The following P2RY1 variants were observed in gnomAD, a reference collection of about 807,000 sequenced individuals.
P2RY1 encodes purinergic receptor P2Y1.
P2RY1 carries 14 observed loss-of-function variants against 22.8 expected under a neutral mutation model. The observed-to-expected ratio is 0.61, with a 90% CI of 0.41 to 0.96. The LOEUF is 0.96. Ranked by LOEUF, P2RY1 falls within the 40% of genes least tolerant of loss-of-function variation. The probability of loss-of-function intolerance (pLI) is 0.00; values close to 1 mark genes in which losing one functional copy is unlikely to be tolerated. For synonymous variants in P2RY1, 200 were observed against 195.1 expected (o/e 1.03, Z -0.21); for missense variants, 395 against 470.3 (o/e 0.84, Z 1.48).
chr3:152,835,257 G>A lies in P2RY1; in HGVS notation c.-526G>A, dbSNP rs1716114408. 1 of 153,226 alleles carries A rather than the reference G, an allele frequency of 6.5e-6. No individual in the cohort carries two copies. The highest frequency in any genetic ancestry group is 1.5e-5 in the Non-Finnish European group (1 of 68,854). The allele number at this position is 153,226 out of a possible 1,614,324, so 9.5% of individuals were successfully genotyped here. ...GATGGCTGCCAGGAGCTGAGCTCAG[G>A]GTGGGCGGAGGAAGCGGTTAGACGC... On this transcript the variant is annotated 5_prime_UTR_variant, in exon 1 of 1. Transcript: ENST00000305097.
rs1388412696 is a variant in P2RY1 at position 152,835,835 on chromosome 3, T to C, written c.53T>C (p.Leu18Pro). The change falls in exon 1 of 1, where the codon CTG becomes CCG. Residue 18 changes from leucine (L) to proline (P), a missense_variant. Leu to Pro is a moderately conservative substitution (Grantham distance 98). Around this residue, in one of 3 missense-constraint regions of P2RY1, gnomAD observed 98 missense variants for 87.7 expected, o/e 1.12. Coordinates refer to ENST00000305097, the MANE Select transcript of P2RY1 (RefSeq NM_002563.5). ...CCCAACGGGACGGACGCTGCCTTCCTGGCCGGTCCGGGTTCGTCCTGGGGG... is the reference window on the plus strand; with the variant it reads ...CCCAACGGGACGGACGCTGCCTTCCCGGCCGGTCCGGGTTCGTCCTGGGGG... Reference protein sequence around the residue: ...AVPNGTDAAFLAGPGSSWGNS... With the variant: ...AVPNGTDAAFPAGPGSSWGNS... 1 of 1,612,554 alleles carries C rather than the reference T, an allele frequency of 6.2e-7. No individual in the cohort carries two copies. The highest frequency in any genetic ancestry group is 1.3e-5 in the African/African-American group (1 of 75,046).
In P2RY1 at chr3:152,840,428, G is replaced by T. The variant is rs1276656698; in HGVS notation, c.*3524G>T. 1 of 152,100 alleles carries T rather than the reference G, an allele frequency of 6.6e-6. No homozygotes were observed. Among genetic ancestry groups the T allele is most frequent in the African/African-American group, 2.4e-5 (1 of 41,422 alleles). 9.4% of individuals were successfully genotyped at this position (152,100 alleles called of 1,614,324 possible). A position where few individuals can be genotyped will look rare whatever the true frequency, so the allele number is the denominator to read the frequency against. On this transcript the variant is annotated 3_prime_UTR_variant, in exon 1 of 1. Transcript: ENST00000305097. ...ATATAAAATATCTTAGCCAAATGGG[G>T]TCTGTATTGTCTACATTTTATATAT...
Position 152,839,093 on chromosome 3 carries a change from C to T in P2RY1, c.*2189C>T, listed in dbSNP as rs1477039515. The T allele has an allele frequency of 1.3e-5, 2 of 152,168 alleles. No individual in the cohort carries two copies. The highest frequency in any genetic ancestry group is 4.8e-5 in the African/African-American group (2 of 41,422). The allele number at this position is 152,168 out of a possible 1,614,324, so 9.4% of individuals were successfully genotyped here. On this transcript the variant is annotated 3_prime_UTR_variant, in exon 1 of 1. Transcript: ENST00000305097. The stretch of plus-strand genomic sequence containing the variant: ...CTTAATTTAGAGTATGTGTTAAGTA[C>T]ATTGTTTCAGCGTCCAGAGAATTTT...
chr3:152,839,613 C>G lies in P2RY1; in HGVS notation c.*2709C>G, dbSNP rs191409160. The G allele has an allele frequency of 6.6e-6, 1 of 152,188 alleles. No homozygotes were observed. The highest frequency in any genetic ancestry group is 1.5e-5 in the Non-Finnish European group (1 of 68,026). The allele number at this position is 152,188 out of a possible 1,614,324, so 9.4% of individuals were successfully genotyped here. On this transcript the variant is annotated 3_prime_UTR_variant, in exon 1 of 1. Transcript: ENST00000305097. ...CAAAAAGACAAACTAAGAAGAAATA[C>G]AGCATGCAAGTTGGAATTCAGAGTT...
At position 152,836,863 on chromosome 3, in the gene P2RY1, ATTTT is replaced by A. The variant is rs757057757; in HGVS notation, c.1082_1085del (p.Ile361AsnfsTer27). The A allele has an allele frequency of 1.2e-6, 2 of 1,612,754 alleles. No individual in the cohort carries two copies. The highest frequency in any genetic ancestry group is 8.5e-7 in the Non-Finnish European group (1 of 1,179,544). Reference sequence around the variant, plus strand: ...CAAGAGTGAAGACATGACCCTCAATATTTTACCTGAGTTCAAGCAGAATGGAGAT... The same window carrying A: ...CAAGAGTGAAGACATGACCCTCAATAACCTGAGTTCAAGCAGAATGGAGAT... On this transcript the variant is annotated frameshift_variant, in exon 1 of 1. Coordinates refer to ENST00000305097, the MANE Select transcript of P2RY1 (RefSeq NM_002563.5). LOFTEE classifies it high-confidence loss of function. The surrounding 1 kb of genome is among the most constrained non-coding windows in gnomAD (Gnocchi z 5.6).
rs566556102 is a variant in P2RY1, at chr3:152,838,487, A to G, written c.*1583A>G. ...CATAAAGTCAACATCAGAGTTTGCAACTGATGGTGGCATAACTTGTTTGAA... is the reference window on the plus strand; with the variant it reads ...CATAAAGTCAACATCAGAGTTTGCAGCTGATGGTGGCATAACTTGTTTGAA... On this transcript the variant is annotated 3_prime_UTR_variant, in exon 1 of 1. Transcript: ENST00000305097. The G allele has an allele frequency of 6.6e-5, 10 of 152,310 alleles. No homozygotes were observed. The highest frequency in any genetic ancestry group is 2.0e-4 in the Admixed American group (3 of 15,302). The allele number at this position is 152,310 out of a possible 1,614,324, so 9.4% of individuals were successfully genotyped here.
In P2RY1 at chr3:152,835,134, C is replaced by A. The variant is rs1022372383; in HGVS notation, c.-649C>A. Reference sequence around the variant, plus strand: ...CGCTCTCCCGCCTAACCCCGGCACTCCGGACAGAGCTGGGCCTGGGGAAGG... The same window carrying A: ...CGCTCTCCCGCCTAACCCCGGCACTACGGACAGAGCTGGGCCTGGGGAAGG... On this transcript the variant is annotated 5_prime_UTR_variant, in exon 1 of 1. Transcript: ENST00000305097. 6.6e-6 allele frequency: 1 copy of A among 152,454 alleles called. No homozygotes were observed. The highest frequency in any genetic ancestry group is 2.4e-5 in the African/African-American group (1 of 41,480). The allele number at this position is 152,454 out of a possible 1,614,324, so 9.4% of individuals were successfully genotyped here.
chr3:152,839,552 C>T lies in P2RY1; in HGVS notation c.*2648C>T, dbSNP rs939951880. The T allele has an allele frequency of 1.3e-5, 2 of 152,128 alleles. No individual in the cohort carries two copies. The highest frequency in any genetic ancestry group is 2.9e-5 in the Non-Finnish European group (2 of 68,000). The allele number at this position is 152,128 out of a possible 1,614,324, so 9.4% of individuals were successfully genotyped here. ...ATTGCTTACAAATCAGCATCTTTGA[C>T]TCTTTGAACATCAATTTGTGTTTAC... is the stretch of plus-strand genomic sequence containing the variant. On this transcript the variant is annotated 3_prime_UTR_variant, in exon 1 of 1. Coordinates refer to ENST00000305097, the MANE Select transcript of P2RY1 (RefSeq NM_002563.5).
Position 152,836,724 on chromosome 3 carries a change from T to A in P2RY1, c.942T>A (p.Ser314Arg). The A allele has an allele frequency of 6.2e-7, 1 of 1,614,152 alleles. No homozygotes were observed. The highest frequency in any genetic ancestry group is 8.5e-7 in the Non-Finnish European group (1 of 1,180,018). The change falls in exon 1 of 1, where the codon AGT (serine) becomes AGA (arginine). Residue 314 changes from serine to arginine, a missense_variant. Ser to Arg is a moderately radical substitution (Grantham distance 110). This residue lies in a region of P2RY1 where 291 missense variants were observed against 361.6 expected (regional missense o/e 0.80). Transcript: ENST00000305097. The surrounding 1 kb of genome is among the most constrained non-coding windows in gnomAD (Gnocchi z 5.6). ...ATCAGGTGACAAGAGGTCTAGCAAG[T>A]CTCAACAGTTGTGTGGACCCCATTC... Reference protein sequence around the residue: ...ATYQVTRGLASLNSCVDPILY... With the variant: ...ATYQVTRGLARLNSCVDPILY...
rs991877997 is a variant in P2RY1, at chr3:152,835,860, G to A, written c.78G>A (p.Gly26=). ...AFLAGPGSSW[G]NSTVASTAAV... ...TGGCCGGTCCGGGTTCGTCCTGGGGGAACAGCACGGTCGCCTCCACTGCCG... is the reference window on the plus strand; with the variant it reads ...TGGCCGGTCCGGGTTCGTCCTGGGGAAACAGCACGGTCGCCTCCACTGCCG... The change falls in exon 1 of 1, where the codon GGG becomes GGA. Residue 26 remains glycine (G), a synonymous_variant. Transcript: ENST00000305097. 4 of 1,613,370 alleles carry A rather than the reference G, an allele frequency of 2.5e-6. No individual in the cohort carries two copies. In the African/African-American group the frequency reaches 4.0e-5, roughly 16 times the overall value.
Position 152,836,942 on chromosome 3 carries a change from T to C in P2RY1, c.*38T>C, listed in dbSNP as rs1179207131. The C allele has an allele frequency of 6.8e-7, 1 of 1,479,778 alleles. No individual in the cohort carries two copies. The highest frequency in any genetic ancestry group is 9.2e-7 in the Non-Finnish European group (1 of 1,086,296). The allele number at this position is 1,479,778 out of a possible 1,614,324, so 91.7% of individuals were successfully genotyped here. A position where few individuals can be genotyped will look rare whatever the true frequency, so the allele number is the denominator to read the frequency against. ...CTCCAAACACCTCTCTGTTGTAATA[T>C]GGTAGGATGCTTAACAGAATCAAGT... On this transcript the variant is annotated 3_prime_UTR_variant, in exon 1 of 1. Transcript: ENST00000305097. The surrounding 1 kb of genome is among the most constrained non-coding windows in gnomAD (Gnocchi z 5.6).
At position 152,837,109 on chromosome 3, in the gene P2RY1, TA is replaced by T; in HGVS notation, c.*206del. ...TTTCACAGTCTCTCTTCCTTCTGAC[TA>T]GAAGTATGTATAATAAAACAATACT... On this transcript the variant is annotated 3_prime_UTR_variant, in exon 1 of 1. Transcript: ENST00000305097. The T allele has an allele frequency of 5.3e-6, 3 of 569,374 alleles. No individual in the cohort carries two copies. Among genetic ancestry groups the T allele is most frequent in the Non-Finnish European group, 9.5e-6 (3 of 315,190 alleles). 35.3% of individuals were successfully genotyped at this position (569,374 alleles called of 1,614,324 possible). A position where few individuals can be genotyped will look rare whatever the true frequency, so the allele number is the denominator to read the frequency against.
In P2RY1 at chr3:152,836,462, G is replaced by A; in HGVS notation, c.680G>A (p.Cys227Tyr). 2 of 1,614,170 alleles carry A rather than the reference G, an allele frequency of 1.2e-6. No homozygotes were observed. The highest frequency in any genetic ancestry group is 2.2e-5 in the East Asian group (1 of 44,882). The part of the protein sequence containing the change: ...YSMCTTVAMF[C>Y]VPLVLILGCY... ...ATGTGCACGACCGTGGCCATGTTCT[G>A]TGTCCCCTTGGTGCTGATTCTGGGC... The change falls in exon 1 of 1, where the codon TGT becomes TAT. Residue 227 changes from cysteine (C) to tyrosine (Y), a missense_variant. By Grantham distance (194) the Cys-to-Tyr change is radical. Coordinates refer to ENST00000305097, the MANE Select transcript of P2RY1 (RefSeq NM_002563.5). The surrounding 1 kb of genome is among the most constrained non-coding windows in gnomAD (Gnocchi z 5.6).
In P2RY1 at chr3:152,835,435, C is replaced by G; in HGVS notation, c.-348C>G. On this transcript the variant is annotated 5_prime_UTR_variant, in exon 1 of 1. Coordinates refer to ENST00000305097, the MANE Select transcript of P2RY1 (RefSeq NM_002563.5). ...GACCTCGCTGCGCCTCTGGCGCGCT[C>G]TGCAGCGCGGACCCGCGGCCCCTCG... 1 of 319,116 alleles carries G rather than the reference C, an allele frequency of 3.1e-6. No homozygotes were observed. Among genetic ancestry groups the G allele is most frequent in the Non-Finnish European group, 5.8e-6 (1 of 173,768 alleles). The allele number at this position is 319,116 out of a possible 1,614,324, so 19.8% of individuals were successfully genotyped here. A position where few individuals can be genotyped will look rare whatever the true frequency, so the allele number is the denominator to read the frequency against.
chr3:152,840,905 G>T lies in P2RY1; in HGVS notation c.*4001G>T, dbSNP rs2108030068. On this transcript the variant is annotated 3_prime_UTR_variant, in exon 1 of 1. Coordinates refer to ENST00000305097, the MANE Select transcript of P2RY1 (RefSeq NM_002563.5). ...TTCTGTTAGAGTTTTTTATTCTGTT[G>T]TACATTGTATTATACACATAATCAC... 1 of 151,870 alleles carries T rather than the reference G, an allele frequency of 6.6e-6. No individual in the cohort carries two copies. The highest frequency in any genetic ancestry group is 2.1e-4 in the South Asian group (1 of 4,810). 9.4% of individuals were successfully genotyped at this position (151,870 alleles called of 1,614,324 possible). A position where few individuals can be genotyped will look rare whatever the true frequency, so the allele number is the denominator to read the frequency against.
chr3:152,836,241 G>A lies in P2RY1; in HGVS notation c.459G>A (p.Val153=). The change falls in exon 1 of 1, where the codon GTG becomes GTA. Residue 153 remains valine, a synonymous_variant. Coordinates refer to ENST00000305097, the MANE Select transcript of P2RY1 (RefSeq NM_002563.5). This position sits in a 1 kb window ranked among gnomAD's most constrained non-coding sequence, Gnocchi z 5.6. ...TCAGTGCCCACCGGTACAGCGGTGT[G>A]GTGTACCCCCTCAAGTCCCTGGGCC... is the stretch of plus-strand genomic sequence containing the variant. ...TCISAHRYSG[V]VYPLKSLGRL... 6.2e-7 allele frequency: 1 copy of A among 1,614,138 alleles called. No individual in the cohort carries two copies. The highest frequency in any genetic ancestry group is 8.5e-7 in the Non-Finnish European group (1 of 1,180,016).
rs777419962 is a variant in P2RY1, at chr3:152,839,000, A to G, written c.*2096A>G. On this transcript the variant is annotated 3_prime_UTR_variant, in exon 1 of 1. Transcript: ENST00000305097. ...GTACCAGACTTGAACTTGTAGCCTA[A>G]TGATACACATTTTTACAATATTTCT... is the stretch of plus-strand genomic sequence containing the variant. The G allele has an allele frequency of 6.6e-6, 1 of 152,204 alleles. No individual in the cohort carries two copies. Among genetic ancestry groups the G allele is most frequent in the Non-Finnish European group, 1.5e-5 (1 of 68,032 alleles). The allele number at this position is 152,204 out of a possible 1,614,324, so 9.4% of individuals were successfully genotyped here.
Position 152,836,335 on chromosome 3 carries a change from C to T in P2RY1, c.553C>T (p.Pro185Ser). Residue 185 changes from proline to serine, a missense_variant, in exon 1 of 1, where the codon CCC (proline) becomes TCC (serine). Physicochemically the swap from Pro to Ser is moderately conservative, Grantham distance 74. Transcript: ENST00000305097. The surrounding 1 kb of genome is among the most constrained non-coding windows in gnomAD (Gnocchi z 5.6). ...GCTCATTGTGGTGGTGGCGATCTCC[C>T]CCATCCTCTTCTACTCAGGTACCGG... is the stretch of plus-strand genomic sequence containing the variant. Reference protein sequence around the residue: ...VWLIVVVAISPILFYSGTGVR... With the variant: ...VWLIVVVAISSILFYSGTGVR... 6.2e-7 allele frequency: 1 copy of T among 1,614,024 alleles called. No homozygotes were observed. The highest frequency in any genetic ancestry group is 8.5e-7 in the Non-Finnish European group (1 of 1,180,008).
In P2RY1 at chr3:152,835,486, G is replaced by C. The variant is rs1716124882; in HGVS notation, c.-297G>C. The C allele has an allele frequency of 2.4e-6, 1 of 413,838 alleles. No homozygotes were observed. The highest frequency in any genetic ancestry group is 4.3e-6 in the Non-Finnish European group (1 of 232,568). The allele number at this position is 413,838 out of a possible 1,614,324, so 25.6% of individuals were successfully genotyped here. On this transcript the variant is annotated 5_prime_UTR_variant, in exon 1 of 1. Transcript: ENST00000305097. ...GGAAAGCGCAGTCGGAAAGTTATCCGCGGCGGTTCCCTGCGCGCCCTGTTG... is the reference window on the plus strand; with the variant it reads ...GGAAAGCGCAGTCGGAAAGTTATCCCCGGCGGTTCCCTGCGCGCCCTGTTG...
Sources: gnomAD v4.1 joint callset for allele counts on GRCh38, gnomAD v4.1.1 for gene constraint, gnomAD v4.1.1 regional missense constraint, Gnocchi (gnomAD v3.1) non-coding constraint, MANE v1.5 for transcripts, NCBI Gene and HGNC (gene_info 2026-07-23, HGNC 2026-07-21) for gene names.